The following DENND1A variants were observed in gnomAD, a reference collection of about 807,000 sequenced individuals.
DENND1A encodes DENN domain-containing protein 1A.
Under a neutral mutation model 113.7 loss-of-function variants are expected in DENND1A, and 51 were observed. The observed-to-expected ratio is 0.45, with a 90% CI of 0.36 to 0.57. The LOEUF (loss-of-function observed/expected upper bound fraction) is 0.57, where lower values mean the gene tolerates loss of function less well. Ranked by LOEUF, DENND1A falls within the 20% of genes least tolerant of loss-of-function variation. The probability of loss-of-function intolerance (pLI) is 0.00; values close to 1 mark genes in which losing one functional copy is unlikely to be tolerated. For synonymous variants in DENND1A, 565 were observed against 570.8 expected (o/e 0.99, Z 0.14); for missense variants, 1,258 against 1,395.9 (o/e 0.90, Z 1.57).
intron 5 of DENND1A, among the ~76,000 whole-genome samples, chr9:123,680,583 G>A (rs552806096): frequency 1.1e-4 from 17 of 152,310 alleles, no homozygotes; most frequent in East Asian, 3.9e-4. Flanking sequence ...TCTGTCGACC[G>A]GGTGAGCTGC....
At chr9:123,752,465 G>A (rs1437170715) in intron 5 of DENND1A, among the ~76,000 whole-genome samples, 5 of 152,162 alleles carry the variant, frequency 3.3e-5, no homozygotes, top group Non-Finnish European at 5.9e-5. Flanking sequence ...TCTTTCTTAA[G>A]AGCTTCAATA....
In DENND1A at chr9:123,583,276, A is replaced by C; in HGVS notation, c.766-6T>G. The C allele has an allele frequency of 6.2e-7, 1 of 1,608,982 alleles. No individual in the cohort carries two copies. Among genetic ancestry groups the C allele is most frequent in the Non-Finnish European group, 8.5e-7 (1 of 1,176,988 alleles). On this transcript the variant is annotated splice_region_variant and splice_polypyrimidine_tract_variant and intron_variant, in intron 11 of 23. Transcript: ENST00000394215. ...AGGGCCATGTTTCTGACTTTCTGCAAGGAGAAAAAAATCCACAAGAGAAGG... is the reference window on the plus strand; with the variant it reads ...AGGGCCATGTTTCTGACTTTCTGCACGGAGAAAAAAATCCACAAGAGAAGG...
rs139717907 is a variant in DENND1A at position 123,764,520 on chromosome 9, C to A, written c.182+4994G>T. On this transcript the variant is annotated intron_variant, in intron 4 of 23. Transcript: ENST00000394215. This position sits in a 1 kb window ranked among gnomAD's most constrained non-coding sequence, Gnocchi z 4.1. ...GGCCTCAAGTTTCTCACCTTCCCTG[C>A]TCAAAGATCCAAGTGGTGAGAATGA... 1.8e-4 allele frequency among the ~76,000 whole-genome samples: 27 copies of A among 152,288 alleles called. No homozygotes were observed. The highest frequency in any genetic ancestry group is 5.8e-4 in the African/African-American group (24 of 41,546).
At chr9:123,743,091 G>A (rs1310520563) in intron 5 of DENND1A, among the ~76,000 whole-genome samples, 4 of 152,254 alleles carry the variant, frequency 2.6e-5, no homozygotes, top group South Asian at 2.1e-4. Flanking sequence ...TGCACTGTGC[G>A]TGGTATGTCC....
rs60375641 is a variant in DENND1A at position 123,443,277 on chromosome 9, G to A, written c.1357-2786C>T. Among the ~76,000 whole-genome samples the A allele has an allele frequency of 6.2e-3, 939 of 152,226 alleles. 8 individuals carry two copies. Among genetic ancestry groups the A allele is most frequent in the African/African-American group, 0.021 (875 of 41,520 alleles). ...AGTGCTCAGATGTAATCTTCTCCTCGGAAGCTCCTGGCTACACTGATCATA... is the reference window on the plus strand; with the variant it reads ...AGTGCTCAGATGTAATCTTCTCCTCAGAAGCTCCTGGCTACACTGATCATA... On this transcript the variant is annotated intron_variant, in intron 18 of 23. Transcript: ENST00000394215.
At chr9:123,597,894 C>T (rs1239720322) in intron 11 of DENND1A, among the ~76,000 whole-genome samples, 1 of 152,152 alleles carries the variant, frequency 6.6e-6, no homozygotes, top group African/African-American at 2.4e-5. Flanking sequence ...ATAAAGACGA[C>T]CCCATCTTGC....
intron 2 of DENND1A, among the ~76,000 whole-genome samples, chr9:123,797,546 C>T (rs1432126537): frequency 1.3e-5 from 2 of 152,068 alleles, no homozygotes; most frequent in Admixed American, 1.3e-4. Flanking sequence ...GATAAGATGA[C>T]CGCAAACTGG....
chr9:123,712,907 A>G (rs1843898740), intron 5 of DENND1A, among the ~76,000 whole-genome samples: 1 of 152,250 alleles, frequency 6.6e-6, no homozygotes, highest in African/African-American at 2.4e-5. Context: ...AGCTCCTGCT[A>G]CAGAAGCAAA....
chr9:123,675,566 A>C (rs1423164345), intron 6 of DENND1A, among the ~76,000 whole-genome samples: 1 of 152,242 alleles, frequency 6.6e-6, no homozygotes, highest in Non-Finnish European at 1.5e-5. Flanking sequence ...AACGTTTAAT[A>C]ATAATGGATC....
intron 1 of DENND1A, among the ~76,000 whole-genome samples, chr9:123,920,291 C>T (rs1855987251): frequency 6.6e-6 from 1 of 152,070 alleles, no homozygotes; most frequent in Admixed American, 6.5e-5. Flanking sequence ...ATTAGCCGGA[C>T]ATGGTGGCAG....
At chr9:123,619,714 G>A (rs918706144) in intron 10 of DENND1A, among the ~76,000 whole-genome samples, 1 of 152,068 alleles carries the variant, frequency 6.6e-6, no homozygotes, top group East Asian at 1.9e-4. Context: ...ACTGCAGTTC[G>A]GGCCAGAACT....
At chr9:123,902,926 G>A (rs1276183556) in intron 1 of DENND1A, among the ~76,000 whole-genome samples, 1 of 150,858 alleles carries the variant, frequency 6.6e-6, no homozygotes, top group Non-Finnish European at 1.5e-5. Flanking sequence ...CAAAATATTA[G>A]TAAATGGAAT....
intron 9 of DENND1A, among the ~76,000 whole-genome samples, chr9:123,644,448 C>CA (rs780409900): frequency 0.013 from 1,885 of 142,240 alleles, 20 homozygotes; most frequent in South Asian, 0.033. Context: ...CCCAAACCAA[C>CA]AGCACCTAGC....
At chr9:123,607,547 A>AGAGT (rs1491241970) in intron 11 of DENND1A, among the ~76,000 whole-genome samples, 100 of 68,080 alleles carry the variant, frequency 1.5e-3, no homozygotes, top group African/African-American at 4.1e-3. Flanking sequence ...AGAGAGAGAG[A>AGAGT]GTGTGTGTGT....
At chr9:123,723,407 G>C (rs999123460) in intron 5 of DENND1A, among the ~76,000 whole-genome samples, 2 of 152,166 alleles carry the variant, frequency 1.3e-5, no homozygotes, top group Non-Finnish European at 2.9e-5. Context: ...GGGAAGGCAT[G>C]ATTAGTTTTG....
chr9:123,464,350 G>A (rs186232110), intron 13 of DENND1A, among the ~76,000 whole-genome samples: 23 of 152,328 alleles, frequency 1.5e-4, no homozygotes, highest in Admixed American at 1.5e-3. Context: ...TTCATCTGTG[G>A]AGGAGCGGAT....
At chr9:123,856,695 G>T (rs1393823708) in intron 2 of DENND1A, among the ~76,000 whole-genome samples, 4 of 152,130 alleles carry the variant, frequency 2.6e-5, no homozygotes, top group Non-Finnish European at 5.9e-5. Context: ...AGAAGGACCA[G>T]CCTGGCAGGG....
At chr9:123,504,671 C>T (rs940782866) in intron 13 of DENND1A, among the ~76,000 whole-genome samples, 8 of 152,160 alleles carry the variant, frequency 5.3e-5, no homozygotes, top group Admixed American at 1.3e-4. Context: ...CTGCTGACCC[C>T]GTGCTGTCAT....
At chr9:123,729,440 A>C (rs1196523435) in intron 5 of DENND1A, among the ~76,000 whole-genome samples, 1 of 152,074 alleles carries the variant, frequency 6.6e-6, no homozygotes, top group Non-Finnish European at 1.5e-5. Flanking sequence ...CCACATGCAA[A>C]AACAAGCATT....
Sources: allele counts gnomAD v4.1 joint callset (sites outside exome capture counted in the v4.1 genomes callset), GRCh38; gene constraint gnomAD v4.1.1; non-coding constraint Gnocchi (gnomAD v3.1); transcripts MANE v1.5; gene names NCBI Gene and HGNC (gene_info 2026-07-23, HGNC 2026-07-21).